TEX36: variants seen among roughly 807,000 people sequenced by gnomAD.
TEX36 encodes testis-expressed protein 36.
TEX36 carries 12 observed loss-of-function variants against 13.6 expected under a neutral mutation model. That is an observed-to-expected ratio of 0.88 (90% CI 0.56 to 1.43). TEX36 has a LOEUF of 1.43. Ranked by LOEUF, TEX36 falls within the 40% of genes most tolerant of loss-of-function variation. The pLI is 0.00. For missense variants in TEX36, 224 were observed against 228.3 expected (o/e 0.98, Z 0.12); for synonymous variants, 93 against 83.0 (o/e 1.12, Z -0.65).
intron 3 of TEX36, among the ~76,000 whole-genome samples, chr10:125,637,145 A>T (rs972121187): frequency 6.6e-6 from 1 of 152,014 alleles, no homozygotes; most frequent in Non-Finnish European, 1.5e-5. Flanking sequence ...CTACAAAAAA[A>T]TTAAAAAATA....
chr10:125,637,289 A>C (rs1021999007), intron 3 of TEX36, among the ~76,000 whole-genome samples: 6 of 151,586 alleles, frequency 4.0e-5, no homozygotes, highest in Non-Finnish European at 7.4e-5. Flanking sequence ...AGCCTGAGTG[A>C]CAGGGTGAGA....
intron 3 of TEX36, among the ~76,000 whole-genome samples, chr10:125,657,146 G>T (rs1252811343): frequency 6.6e-6 from 1 of 152,208 alleles, no homozygotes; most frequent in Non-Finnish European, 1.5e-5. Context: ...GAGAGGAAAT[G>T]GACATTACGT....
At chr10:125,591,465 C>T (rs546074562) in intron 3 of TEX36, among the ~76,000 whole-genome samples, 26 of 152,132 alleles carry the variant, frequency 1.7e-4, no homozygotes, top group African/African-American at 5.8e-4. Context: ...AAGATCTTCC[C>T]GCAGTGGGAA....
intron 3 of TEX36, among the ~76,000 whole-genome samples, chr10:125,634,691 G>A (rs1846601678): frequency 6.6e-6 from 1 of 152,202 alleles, no homozygotes; most frequent in Admixed American, 6.5e-5. Context: ...AATGGATAGC[G>A]CCCATTTTGT....
chr10:125,631,944 T>C (rs1345617316), intron 3 of TEX36, among the ~76,000 whole-genome samples: 1 of 151,986 alleles, frequency 6.6e-6, no homozygotes, highest in African/African-American at 2.4e-5. Context: ...ATCAGGTGTG[T>C]ATTTTAGGAG....
chr10:125,655,470 T>G (rs1846923778), downstream of TEX36, among the ~76,000 whole-genome samples: 2 of 152,146 alleles, frequency 1.3e-5, no homozygotes, highest in African/African-American at 4.8e-5. Context: ...TGTAGAATAT[T>G]TTGCACTGTG....
chr10:125,661,420 C>T (rs1169354118), intron 2 of TEX36, among the ~76,000 whole-genome samples: 3 of 152,116 alleles, frequency 2.0e-5, no homozygotes, highest in Non-Finnish European at 4.4e-5. Context: ...CTTTTGAGGC[C>T]GTGTAGACCA....
Position 125,664,243 on chromosome 10 carries a change from A to G in TEX36, c.52-2266T>C, listed in dbSNP as rs138160233. Among the ~76,000 whole-genome samples, 1,063 of 152,286 alleles carry G rather than the reference A, an allele frequency of 7.0e-3. 9 individuals carry two copies. Among genetic ancestry groups the G allele is most frequent in the African/African-American group, 0.021 (881 of 41,550 alleles). On this transcript the variant is annotated intron_variant, in intron 1 of 3. Coordinates refer to ENST00000368821, the MANE Select transcript of TEX36 (RefSeq NM_001128202.3). ...TATTTCTTTATCCATTCATCTATTGATAGACACTTAGGTTGCTTCCAAATC... is the reference window on the plus strand; with the variant it reads ...TATTTCTTTATCCATTCATCTATTGGTAGACACTTAGGTTGCTTCCAAATC...
At chr10:125,585,729 T>C (rs1845938913) in intron 3 of TEX36, among the ~76,000 whole-genome samples, 1 of 152,258 alleles carries the variant, frequency 6.6e-6, no homozygotes, top group Non-Finnish European at 1.5e-5. Flanking sequence ...TGTACAGTCA[T>C]GTTTCTCCAC....
At chr10:125,676,996 T>C (rs1436401637) in intron 1 of TEX36, among the ~76,000 whole-genome samples, 3 of 152,238 alleles carry the variant, frequency 2.0e-5, no homozygotes, top group Non-Finnish European at 4.4e-5. Flanking sequence ...ACTGGCAGTT[T>C]TTTCTTTCAG....
chr10:125,604,079 C>T (rs75204493), intron 3 of TEX36, among the ~76,000 whole-genome samples: 1,585 of 152,154 alleles, frequency 0.01, 10 homozygotes, highest in Middle Eastern at 0.027. Flanking sequence ...GTTGATAAGT[C>T]GGGGAGGAGT....
chr10:125,633,402 C>T (rs966903787), intron 3 of TEX36, among the ~76,000 whole-genome samples: 6 of 152,220 alleles, frequency 3.9e-5, no homozygotes, highest in African/African-American at 9.6e-5. Context: ...TCCTGTAATG[C>T]TCTCAGTTCT....
At chr10:125,625,391 T>C (rs1411235498) in intron 3 of TEX36, among the ~76,000 whole-genome samples, 2 of 152,240 alleles carry the variant, frequency 1.3e-5, no homozygotes, top group African/African-American at 4.8e-5. Context: ...AGGGTTTGAG[T>C]AGAAGACAGA....
At chr10:125,660,673 G>T (rs1034199716) in intron 3 of TEX36, among the ~76,000 whole-genome samples, 1 of 152,048 alleles carries the variant, frequency 6.6e-6, no homozygotes, top group Admixed American at 6.5e-5. Flanking sequence ...ACCTTTCCTC[G>T]TGGATCCTGG....
chr10:125,620,726 A>T (rs893623858), downstream of TEX36, among the ~76,000 whole-genome samples: 1 of 152,240 alleles, frequency 6.6e-6, no homozygotes, highest in Non-Finnish European at 1.5e-5. Context: ...ACCCATCTCC[A>T]GAACATTTTC....
chr10:125,603,950 T>C (rs1846181616), intron 3 of TEX36, among the ~76,000 whole-genome samples: 1 of 152,142 alleles, frequency 6.6e-6, no homozygotes, highest in Non-Finnish European at 1.5e-5. Flanking sequence ...CTGTAAGAAC[T>C]TGGGCCCTAG....
chr10:125,677,680 T>C (rs1039312966), intron 1 of TEX36, among the ~76,000 whole-genome samples: 1 of 152,026 alleles, frequency 6.6e-6, no homozygotes, highest in South Asian at 2.1e-4. Context: ...TAAAATGAAT[T>C]TTTTTTTCTT....
intron 3 of TEX36, among the ~76,000 whole-genome samples, chr10:125,630,193 T>C (rs1846535015): frequency 6.6e-6 from 1 of 152,248 alleles, no homozygotes; most frequent in South Asian, 2.1e-4. Context: ...TTTTATTATT[T>C]ATTTTGTTTC....
At chr10:125,678,739 C>T (rs994119870) in intron 1 of TEX36, among the ~76,000 whole-genome samples, 1 of 151,980 alleles carries the variant, frequency 6.6e-6, no homozygotes, top group African/African-American at 2.4e-5. Context: ...ATGGTAGTGG[C>T]CAGGAGTTTA....
Sources: allele counts gnomAD v4.1 joint callset (sites outside exome capture counted in the v4.1 genomes callset), GRCh38; gene constraint gnomAD v4.1.1; transcripts MANE v1.5; gene names NCBI Gene and HGNC (gene_info 2026-07-23, HGNC 2026-07-21).